RBFOX1: variants seen among roughly 807,000 people sequenced by gnomAD.
RBFOX1 encodes RNA binding fox-1 homolog 1.
In RBFOX1, 8 loss-of-function variants were observed where a neutral mutation model predicts 57.7. That is an observed-to-expected ratio of 0.14 (90% confidence interval 0.08 to 0.25). The LOEUF (loss-of-function observed/expected upper bound fraction) is 0.25. Among genes scored for constraint, RBFOX1 ranks in the 10% least tolerant of loss-of-function variants. The pLI is 1.00. For synonymous variants in RBFOX1, 326 were observed against 222.4 expected (o/e 1.47, Z -4.15); for missense variants, 611 against 548.5 (o/e 1.11, Z -1.14).
chr16:6,930,103 A>C (rs1352571288), intron 3 of RBFOX1, among the ~76,000 whole-genome samples: 2 of 152,166 alleles, frequency 1.3e-5, no homozygotes, highest in Non-Finnish European at 2.9e-5. Context: ...CCTGCTCTTG[A>C]ATGTTGAGAA....
Position 7,499,806 on chromosome 16 carries a change from C to G in RBFOX1, c.28-18341C>G, listed in dbSNP as rs545586381. On this transcript the variant is annotated intron_variant, in intron 4 of 15. Coordinates refer to ENST00000550418, the MANE Select transcript of RBFOX1 (RefSeq NM_018723.4). ...TCAGTTTCCTTAGCATTATCTACTTCGCAGTTGTTGAGACAATTAACTACA... is the reference window on the plus strand; with the variant it reads ...TCAGTTTCCTTAGCATTATCTACTTGGCAGTTGTTGAGACAATTAACTACA... Among the ~76,000 whole-genome samples the G allele has an allele frequency of 8.6e-5, 13 of 151,986 alleles. No individual in the cohort carries two copies. In the South Asian group the frequency reaches 2.7e-3, roughly 32 times the overall value.
intron 1 of RBFOX1, among the ~76,000 whole-genome samples, chr16:6,081,762 C>G (rs570343580): frequency 6.6e-6 from 1 of 152,108 alleles, no homozygotes; most frequent in East Asian, 1.9e-4. Flanking sequence ...AATGGAATAC[C>G]CAAAGAACAA....
chr16:7,323,636 T>G (rs1408530831), intron 4 of RBFOX1, among the ~76,000 whole-genome samples: 2 of 152,246 alleles, frequency 1.3e-5, no homozygotes, highest in African/African-American at 4.8e-5. Context: ...GGTCTCAGTG[T>G]TCTTGTTACT....
At chr16:7,583,889 CCT>C (rs146145163) in intron 6 of RBFOX1, among the ~76,000 whole-genome samples, 3,916 of 152,182 alleles carry the variant, frequency 0.026, 83 homozygotes, top group Non-Finnish European at 0.035. Flanking sequence ...GTCCACTAAA[CCT>C]CTCTTTATTG....
chr16:6,851,592 G>C lies in RBFOX1; in HGVS notation c.-16+196942G>C, dbSNP rs1166396756. ...CCAAATTGTAAGAGCTTTCCCCTAA[G>C]AGATCTTGTCTTAATTATCTTTACA... On this transcript the variant is annotated intron_variant, in intron 3 of 15. Coordinates refer to ENST00000550418, the MANE Select transcript of RBFOX1 (RefSeq NM_018723.4). Among the ~76,000 whole-genome samples, 17 of 152,216 alleles carry C rather than the reference G, an allele frequency of 1.1e-4. No homozygotes were observed. In the East Asian group the frequency reaches 2.1e-3, roughly 19 times the overall value.
intron 3 of RBFOX1, among the ~76,000 whole-genome samples, chr16:6,676,127 G>GACACACACAC (rs750878616): frequency 1.6e-5 from 2 of 125,492 alleles, no homozygotes; most frequent in African/African-American, 3.2e-5. Flanking sequence ...CTGCCTAGGG[G>GACACACACAC]ACACACACAC....
chr16:5,410,261 C>G (rs1481060107), intron 1 of RBFOX1, among the ~76,000 whole-genome samples: 1 of 151,642 alleles, frequency 6.6e-6, no homozygotes, highest in African/African-American at 2.4e-5. Context: ...GTTCCAGCTA[C>G]TCAGGAGGCT....
intron 4 of RBFOX1, among the ~76,000 whole-genome samples, chr16:7,386,242 C>G (rs1480711629): frequency 1.3e-5 from 2 of 152,168 alleles, no homozygotes; most frequent in Non-Finnish European, 2.9e-5. Context: ...AAGTACTGGT[C>G]CTTTATGATA....
intron 4 of RBFOX1, among the ~76,000 whole-genome samples, chr16:7,405,983 G>A (rs987070209): frequency 4.6e-5 from 7 of 152,130 alleles, no homozygotes; most frequent in African/African-American, 1.4e-4. Context: ...GGTAGAGCCT[G>A]AGATGCTGCA....
intron 4 of RBFOX1, among the ~76,000 whole-genome samples, chr16:5,937,218 C>G (rs181163505): frequency 1.3e-4 from 20 of 152,220 alleles, no homozygotes; most frequent in African/African-American, 4.6e-4. Flanking sequence ...GGAAAGAACA[C>G]GAGAGATTGT....
intron 1 of RBFOX1, among the ~76,000 whole-genome samples, chr16:6,036,692 A>G (rs909093973): frequency 2.6e-5 from 4 of 152,180 alleles, no homozygotes; most frequent in African/African-American, 9.7e-5. Flanking sequence ...GACAAATACA[A>G]CACGTCTCCT....
At chr16:6,811,271 A>G (rs1444114081) in intron 3 of RBFOX1, among the ~76,000 whole-genome samples, 1 of 152,234 alleles carries the variant, frequency 6.6e-6, no homozygotes, top group Non-Finnish European at 1.5e-5. Context: ...AAGAGAACAA[A>G]AGAAGAGAAA....
At chr16:7,689,983 C>T (rs1260357198) in intron 14 of RBFOX1, among the ~76,000 whole-genome samples, 3 of 152,010 alleles carry the variant, frequency 2.0e-5, no homozygotes, top group African/African-American at 7.2e-5. Context: ...AGCATGGTGG[C>T]CAAACAGAAG....
intron 3 of RBFOX1, among the ~76,000 whole-genome samples, chr16:6,835,252 G>A (rs560037842): frequency 6.6e-6 from 1 of 152,210 alleles, no homozygotes; most frequent in South Asian, 2.1e-4. Flanking sequence ...TGTGGACTAA[G>A]ATCCACAAAC....
intron 4 of RBFOX1, among the ~76,000 whole-genome samples, chr16:7,180,579 C>G (rs933794181): frequency 6.6e-6 from 1 of 151,976 alleles, no homozygotes; most frequent in African/African-American, 2.4e-5. Flanking sequence ...AGGATAGTAA[C>G]ACTGTTTTCT....
At chr16:5,452,120 T>C (rs1209541710) in intron 1 of RBFOX1, among the ~76,000 whole-genome samples, 13 of 133,464 alleles carry the variant, frequency 9.7e-5, no homozygotes, top group African/African-American at 3.8e-4. Flanking sequence ...CTCTCTCTTT[T>C]TTTTTTTTTT....
At chr16:6,298,240 G>C (rs34406606) in intron 1 of RBFOX1, among the ~76,000 whole-genome samples, 1 of 152,012 alleles carries the variant, frequency 6.6e-6, no homozygotes, top group South Asian at 2.1e-4. Context: ...CCTGCGAGGG[G>C]GTCAGGGAAC....
chr16:7,042,167 C>T (rs1326239846), intron 3 of RBFOX1, among the ~76,000 whole-genome samples: 1 of 152,190 alleles, frequency 6.6e-6, no homozygotes, highest in Non-Finnish European at 1.5e-5. Flanking sequence ...AACTAGACAA[C>T]ACTAGCTAGT....
chr16:5,911,574 T>A (rs962401486), intron 4 of RBFOX1, among the ~76,000 whole-genome samples: 2 of 152,350 alleles, frequency 1.3e-5, no homozygotes, highest in Admixed American at 1.3e-4. Flanking sequence ...TAATCCCATT[T>A]CTAGCTTCTG....
Sources: allele counts gnomAD v4.1 joint callset (sites outside exome capture counted in the v4.1 genomes callset), GRCh38; gene constraint gnomAD v4.1.1; transcripts MANE v1.5; gene names NCBI Gene and HGNC (gene_info 2026-07-23, HGNC 2026-07-21).